The following WDR7 variants were observed in gnomAD, a reference collection of about 807,000 sequenced individuals.
WDR7 encodes the protein WD repeat domain 7, also known as WD repeat-containing protein 7.
WDR7 carries 46 observed loss-of-function variants against 169.4 expected under a neutral mutation model. That is an observed-to-expected ratio of 0.27 (90% confidence interval 0.21 to 0.35). The LOEUF (loss-of-function observed/expected upper bound fraction) is 0.35, where lower values mean the gene tolerates loss of function less well. WDR7 is among the 10% of genes least tolerant of loss of function. The pLI, the probability that WDR7 is intolerant of heterozygous loss-of-function variation, is 1.00. For synonymous variants in WDR7, 612 were observed against 666.8 expected, an observed-to-expected ratio of 0.92 and a Z score of 1.27; for missense variants, 1,534 against 1,859.3, an observed-to-expected ratio of 0.83 and a Z score of 3.22.
intron 20 of WDR7, among the ~76,000 whole-genome samples, chr18:56,864,031 G>T (rs1028668684): frequency 4.6e-5 from 7 of 151,566 alleles, no homozygotes; most frequent in Non-Finnish European, 3.0e-5. Flanking sequence ...TTTATAAATT[G>T]AAATATAATA....
At position 56,788,479 on chromosome 18, in the gene WDR7, C is replaced by T. The variant is rs1213021445; in HGVS notation, c.3190+6823C>T. 3.3e-5 allele frequency among the ~76,000 whole-genome samples: 5 copies of T among 152,074 alleles called. No individual in the cohort carries two copies. The East Asian group carries it at 7.7e-4, about 23-fold the overall frequency. On this transcript the variant is annotated intron_variant, in intron 19 of 27. Transcript: ENST00000254442. ...GGGGTGTGGATGCCAGGCAACCAAGCTTGAGTTAAATGTAAAATAAGAGTA... is the reference window on the plus strand; with the variant it reads ...GGGGTGTGGATGCCAGGCAACCAAGTTTGAGTTAAATGTAAAATAAGAGTA...
At chr18:56,792,273 T>G (rs1273175381) in intron 19 of WDR7, among the ~76,000 whole-genome samples, 1 of 152,160 alleles carries the variant, frequency 6.6e-6, no homozygotes, top group Non-Finnish European at 1.5e-5. Context: ...CCTTCTTGAC[T>G]TCTCAAAGTG....
At chr18:57,023,781 C>T (rs891099769) in intron 27 of WDR7, among the ~76,000 whole-genome samples, 1 of 152,166 alleles carries the variant, frequency 6.6e-6, no homozygotes. Flanking sequence ...TCACAATTCT[C>T]TCACCCAAAT....
chr18:56,710,934 T>C (rs2026073141), intron 12 of WDR7, among the ~76,000 whole-genome samples: 1 of 152,238 alleles, frequency 6.6e-6, no homozygotes, highest in Non-Finnish European at 1.5e-5. Context: ...TTTGTCCAAG[T>C]TGACAGGTAA....
At chr18:56,657,844 A>G (rs1260101187) in intron 1 of WDR7, among the ~76,000 whole-genome samples, 1 of 152,138 alleles carries the variant, frequency 6.6e-6, no homozygotes, top group Admixed American at 6.5e-5. Flanking sequence ...TAAGGAACAT[A>G]TATATTACAT....
At chr18:56,686,175 G>T in intron 6 of WDR7, 143 bp downstream of exon 6, 3 of 619,140 alleles carry the variant, frequency 4.8e-6, no homozygotes, top group Non-Finnish European at 7.8e-6. Flanking sequence ...GGCATAGTAT[G>T]GAAGATTCTC....
At chr18:56,935,337 G>A (rs2046943364) in intron 22 of WDR7, among the ~76,000 whole-genome samples, 1 of 152,116 alleles carries the variant, frequency 6.6e-6, no homozygotes, top group Admixed American at 6.5e-5. Context: ...GTCATTCTCA[G>A]TACTTGTGAC....
At chr18:56,801,192 C>A (rs2044667536) in intron 19 of WDR7, among the ~76,000 whole-genome samples, 1 of 152,048 alleles carries the variant, frequency 6.6e-6, no homozygotes, top group South Asian at 2.1e-4. Context: ...ATTTTTTCAA[C>A]CCTAGAAGAC....
intron 14 of WDR7, among the ~76,000 whole-genome samples, chr18:56,735,771 G>T (rs924848583): frequency 6.6e-6 from 1 of 152,142 alleles, no homozygotes; most frequent in Non-Finnish European, 1.5e-5. Context: ...GCTTTATAGT[G>T]TGAAAGCAGG....
intron 20 of WDR7, among the ~76,000 whole-genome samples, chr18:56,817,260 G>A (rs1451913904): frequency 1.3e-5 from 2 of 151,290 alleles, no homozygotes; most frequent in Admixed American, 6.6e-5. Flanking sequence ...CAGGAGAATC[G>A]CTTGACCTGG....
chr18:56,935,764 T>TC (rs748577962), intron 22 of WDR7, 24 bp from the exon 23 acceptor site: 30 of 1,606,166 alleles, frequency 1.9e-5, no homozygotes, highest in African/African-American at 1.7e-4. Context: ...TTTCTTTTTT[T>TC]CCCTTTTTCT....
At chr18:56,746,097 T>C (rs972404780) in intron 14 of WDR7, among the ~76,000 whole-genome samples, 10 of 152,296 alleles carry the variant, frequency 6.6e-5, no homozygotes, top group African/African-American at 2.4e-4. Context: ...AGAAATATAT[T>C]TGTCAGTTAT....
At chr18:56,963,705 T>G (rs1326193564) in intron 26 of WDR7, among the ~76,000 whole-genome samples, 1 of 152,122 alleles carries the variant, frequency 6.6e-6, no homozygotes. Context: ...TTTTAAGACA[T>G]TAACTCCCCA....
At chr18:57,019,910 C>T (rs191769591) in intron 26 of WDR7, among the ~76,000 whole-genome samples, 1 of 152,258 alleles carries the variant, frequency 6.6e-6, no homozygotes, top group Admixed American at 6.5e-5. Context: ...GTTATTGTGG[C>T]AGAGGTATGG....
chr18:56,680,796 T>C (rs1479169841), intron 3 of WDR7, among the ~76,000 whole-genome samples: 1 of 152,246 alleles, frequency 6.6e-6, no homozygotes, highest in African/African-American at 2.4e-5. Context: ...CTTTAACTTT[T>C]GTTTTTTGCA....
chr18:56,994,583 T>G (rs1161872670), intron 26 of WDR7, among the ~76,000 whole-genome samples: 1 of 152,222 alleles, frequency 6.6e-6, no homozygotes, highest in Non-Finnish European at 1.5e-5. Flanking sequence ...CCTGAAAAAT[T>G]TAATTGCAAA....
chr18:56,652,264 A>G (rs1249034541), intron 1 of WDR7, among the ~76,000 whole-genome samples: 1 of 152,224 alleles, frequency 6.6e-6, no homozygotes, highest in Non-Finnish European at 1.5e-5. Flanking sequence ...CTACCGTCGC[A>G]TGACAGGCTG....
chr18:56,776,663 G>T, intron 16 of WDR7, 119 bp from the exon 17 acceptor site: 2 of 793,490 alleles, frequency 2.5e-6, no homozygotes, highest in South Asian at 1.5e-5. Context: ...CATCGTTTCA[G>T]TTCTACATTC....
At chr18:56,957,157 G>C (rs2047263230) in intron 25 of WDR7, 1 of 152,194 alleles carries the variant, frequency 6.6e-6, no homozygotes, top group Non-Finnish European at 1.5e-5. Flanking sequence ...ATGTGAGCAA[G>C]AATGACATGA....
Sources: gnomAD v4.1 joint callset for allele counts (sites outside exome capture counted in the v4.1 genomes callset) on GRCh38, gnomAD v4.1.1 for gene constraint, MANE v1.5 for transcripts, NCBI Gene and HGNC (gene_info 2026-07-23, HGNC 2026-07-21) for gene names.